The following ADAMTS12 variants were observed in gnomAD, a reference collection of about 807,000 sequenced individuals.
The protein encoded by ADAMTS12 is A disintegrin and metalloproteinase with thrombospondin motifs 12.
A neutral mutation model predicts 167.8 loss-of-function variants in ADAMTS12; 118 were observed. The ratio of observed to expected loss-of-function variants is 0.70; its 90% CI spans 0.61 to 0.82. The LOEUF (loss-of-function observed/expected upper bound fraction) is 0.82. ADAMTS12 is among the 40% of genes least tolerant of loss of function. The pLI, the probability that ADAMTS12 is intolerant of heterozygous loss-of-function variation, is 0.00. For synonymous variants in ADAMTS12, 704 were observed against 716.9 expected (o/e 0.98, Z 0.29); for missense variants, 1,916 against 1,998.8 (o/e 0.96, Z 0.79).
chr5:33,796,970 C>G (rs1298206519), intron 2 of ADAMTS12, among the ~76,000 whole-genome samples: 1 of 152,206 alleles, frequency 6.6e-6, no homozygotes, highest in Non-Finnish European at 1.5e-5. Context: ...TTCAAGGAAG[C>G]TTGACTTCTC....
At chr5:33,708,182 A>G (rs1561226986) in intron 3 of ADAMTS12, among the ~76,000 whole-genome samples, 1 of 152,234 alleles carries the variant, frequency 6.6e-6, no homozygotes, top group Non-Finnish European at 1.5e-5. Flanking sequence ...TGCAGTCAAT[A>G]AACATATGAT....
intron 14 of ADAMTS12, among the ~76,000 whole-genome samples, chr5:33,618,222 C>T (rs13153024): frequency 0.093 from 14,171 of 152,126 alleles, 711 homozygotes; most frequent in Middle Eastern, 0.17. Context: ...GAAGTGGATC[C>T]TCATAAAGAC....
intron 19 of ADAMTS12, 112 bp downstream of exon 19, chr5:33,575,942 T>C: frequency 6.9e-7 from 1 of 1,450,590 alleles, no homozygotes; most frequent in South Asian, 1.5e-5. Context: ...CTTCCTTTTG[T>C]TTTCACAATA....
intron 20 of ADAMTS12, among the ~76,000 whole-genome samples, chr5:33,551,490 A>T (rs958455526): frequency 2.0e-5 from 3 of 152,362 alleles, no homozygotes; most frequent in East Asian, 1.9e-4. Flanking sequence ...AAGCATGCTA[A>T]TAGCTTCCAC....
intron 5 of ADAMTS12, among the ~76,000 whole-genome samples, chr5:33,682,039 A>G (rs1194470160): frequency 6.6e-6 from 1 of 152,244 alleles, no homozygotes; most frequent in Non-Finnish European, 1.5e-5. Context: ...ATGAATTCTT[A>G]TGGCAAGGCT....
intron 11 of ADAMTS12, among the ~76,000 whole-genome samples, chr5:33,639,617 G>T (rs146439743): frequency 0.01 from 1,524 of 152,246 alleles, 21 homozygotes; most frequent in African/African-American, 0.035. Flanking sequence ...CTCCCCAAAG[G>T]ACACAGGTGG....
intron 13 of ADAMTS12, among the ~76,000 whole-genome samples, chr5:33,628,055 G>A (rs1212083130): frequency 6.6e-6 from 1 of 152,182 alleles, no homozygotes; most frequent in African/African-American, 2.4e-5. Flanking sequence ...ATCCAGAACT[G>A]GTGTAACAGA....
intron 2 of ADAMTS12, among the ~76,000 whole-genome samples, chr5:33,849,615 AT>A (rs1175413933): frequency 4.6e-5 from 4 of 87,546 alleles, no homozygotes; most frequent in African/African-American, 7.7e-5. Context: ...AGCAATATAT[AT>A]GTATTGCATA....
chr5:33,531,236 T>G (rs908077733), intron 23 of ADAMTS12, among the ~76,000 whole-genome samples: 3 of 152,232 alleles, frequency 2.0e-5, no homozygotes, highest in Admixed American at 2.0e-4. Context: ...GATTTTGGAC[T>G]TCTAGCCTCC....
In ADAMTS12 at chr5:33,683,039, G is replaced by C; in HGVS notation, c.894C>G (p.Leu298=). The change falls in exon 5 of 24, where the codon CTC becomes CTG. Residue 298 remains leucine (L), a synonymous_variant. Transcript: ENST00000504830. Reference sequence around the variant, plus strand: ...TTACCTCTTCTTCTTCGAGTAGAATGAGCCGAACCACAACAATGTGAATTG... The same window carrying C: ...TTACCTCTTCTTCTTCGAGTAGAATCAGCCGAACCACAACAATGTGAATTG... ...GNAIHIVVVR[L]ILLEEEEQGL... is the part of the protein sequence containing the mutation. 1 of 1,613,346 alleles carries C rather than the reference G, an allele frequency of 6.2e-7. No individual in the cohort carries two copies. The highest frequency in any genetic ancestry group is 8.5e-7 in the Non-Finnish European group (1 of 1,179,674).
intron 16 of ADAMTS12, among the ~76,000 whole-genome samples, chr5:33,613,968 C>A (rs533610371): frequency 6.6e-6 from 1 of 152,258 alleles, no homozygotes; most frequent in African/African-American, 2.4e-5. Flanking sequence ...TTGTTTGACA[C>A]GTAATGAAAC....
intron 2 of ADAMTS12, among the ~76,000 whole-genome samples, chr5:33,839,803 G>A (rs574560576): frequency 8.5e-5 from 13 of 152,222 alleles, no homozygotes; most frequent in East Asian, 3.9e-4. Context: ...CTGCTTCTCC[G>A]CATTTGTCCG....
intron 2 of ADAMTS12, among the ~76,000 whole-genome samples, chr5:33,756,278 C>T (rs1021316709): frequency 1.3e-5 from 2 of 152,194 alleles, no homozygotes; most frequent in African/African-American, 2.4e-5. Context: ...AGCCCTTCCC[C>T]ACAGAACACA....
chr5:33,877,823 AGAG>A (rs1277436153), intron 2 of ADAMTS12, among the ~76,000 whole-genome samples: 5 of 152,192 alleles, frequency 3.3e-5, no homozygotes, highest in Non-Finnish European at 7.4e-5. Flanking sequence ...AGTCTGCTCC[AGAG>A]GAGACTAAAT....
intron 2 of ADAMTS12, among the ~76,000 whole-genome samples, chr5:33,809,627 C>G (rs911268491): frequency 6.6e-6 from 1 of 152,120 alleles, no homozygotes; most frequent in African/African-American, 2.4e-5. Context: ...GCAATATGGC[C>G]TTATGGATCT....
intron 9 of ADAMTS12, among the ~76,000 whole-genome samples, chr5:33,646,621 T>G (rs1165628437): frequency 6.6e-6 from 1 of 152,200 alleles, no homozygotes; most frequent in African/African-American, 2.4e-5. Flanking sequence ...CTGAAAATTT[T>G]CGGTGAAAGA....
chr5:33,596,088 A>T (rs10461925), intron 16 of ADAMTS12, 28 bp from the exon 17 acceptor site: 1 of 1,611,840 alleles, frequency 6.2e-7, no homozygotes, highest in Admixed American at 1.7e-5. Context: ...AGATTCACAC[A>T]TATTGAATCC....
chr5:33,686,645 T>A (rs1742335355), intron 3 of ADAMTS12, among the ~76,000 whole-genome samples: 1 of 151,692 alleles, frequency 6.6e-6, no homozygotes, highest in South Asian at 2.1e-4. Context: ...CTTGTGACAG[T>A]GGAGCCCCCA....
At chr5:33,773,575 T>C (rs1246715579) in intron 2 of ADAMTS12, among the ~76,000 whole-genome samples, 1 of 152,110 alleles carries the variant, frequency 6.6e-6, no homozygotes, top group Non-Finnish European at 1.5e-5. Flanking sequence ...TTCTTAGTTA[T>C]TGGACTCAAA....
Sources: allele counts gnomAD v4.1 joint callset (sites outside exome capture counted in the v4.1 genomes callset), GRCh38; gene constraint gnomAD v4.1.1; transcripts MANE v1.5; gene names NCBI Gene and HGNC (gene_info 2026-07-23, HGNC 2026-07-21).